Variants in SLC24A3 observed in about 807,000 individuals in gnomAD.
SLC24A3 encodes the protein sodium/potassium/calcium exchanger 3.
Under a neutral mutation model 75.8 loss-of-function variants are expected in SLC24A3, and 28 were observed. The ratio of observed to expected loss-of-function variants is 0.37; its 90% CI spans 0.27 to 0.51. The LOEUF is 0.51. Among genes scored for constraint, SLC24A3 ranks in the 20% least tolerant of loss-of-function variants. The pLI is 0.94. For missense variants in SLC24A3, 663 were observed against 847.8 expected, an observed-to-expected ratio of 0.78 and a Z score of 2.71; for synonymous variants, 372 against 334.1, an observed-to-expected ratio of 1.11 and a Z score of -1.24.
rs2033095660 is a variant in SLC24A3 at position 19,720,694 on chromosome 20, G to A, written c.1786-297G>A. Among the ~76,000 whole-genome samples the A allele has an allele frequency of 2.6e-5, 4 of 152,118 alleles. No individual in the cohort carries two copies. The South Asian group carries it at 8.3e-4, about 32-fold the overall frequency. On this transcript the variant is annotated intron_variant, in intron 16 of 16. Transcript: ENST00000328041. ...ACAGATGAAGGGCCCACAGGGGTGT[G>A]GAGTTGGAGCTTCGTGAAAGAGGGT...
At chr20:19,576,955 C>G (rs1328992904) in intron 3 of SLC24A3, among the ~76,000 whole-genome samples, 4 of 152,120 alleles carry the variant, frequency 2.6e-5, no homozygotes, top group Non-Finnish European at 4.4e-5. Context: ...TCAGCCAAGT[C>G]ATACAGCAAA....
chr20:19,605,556 C>T (rs965980041), intron 6 of SLC24A3, among the ~76,000 whole-genome samples: 2 of 152,182 alleles, frequency 1.3e-5, no homozygotes, highest in Non-Finnish European at 2.9e-5. Context: ...ACCCCACAAG[C>T]CTGCCATATC....
intron 15 of SLC24A3, among the ~76,000 whole-genome samples, chr20:19,701,133 C>T (rs2032867045): frequency 6.6e-6 from 1 of 152,148 alleles, no homozygotes; most frequent in Non-Finnish European, 1.5e-5. Flanking sequence ...TTTCACATGT[C>T]TGTCTTCTTC....
At chr20:19,673,720 G>A (rs2032494228) in intron 9 of SLC24A3, 66 bp downstream of exon 9, 6 of 1,406,508 alleles carry the variant, frequency 4.3e-6, no homozygotes, top group South Asian at 2.3e-5. Context: ...TGATGATGTG[G>A]GAAGAGGATT....
intron 1 of SLC24A3, among the ~76,000 whole-genome samples, chr20:19,233,483 T>C (rs1420703702): frequency 1.3e-5 from 2 of 152,240 alleles, no homozygotes; most frequent in African/African-American, 4.8e-5. Context: ...TCCAAACTTT[T>C]CTAAGTCATT....
Position 19,585,490 on chromosome 20 carries a change from A to G in SLC24A3, c.558A>G (p.Ser186=). ...GDVGVGTIVG[S]AVFNILCIIG... The stretch of plus-strand genomic sequence containing the variant: ...TGGGAGTTGGCACCATCGTGGGCTC[A>G]GCGGTATTCAACATCCTGTGCATCA... The change falls in exon 6 of 17, where the codon TCA becomes TCG. Residue 186 remains serine, a synonymous_variant. Transcript: ENST00000328041. 6.2e-7 allele frequency: 1 copy of G among 1,614,188 alleles called. No individual in the cohort carries two copies. Among genetic ancestry groups the G allele is most frequent in the Middle Eastern group, 1.6e-4 (1 of 6,062 alleles).
intron 1 of SLC24A3, among the ~76,000 whole-genome samples, chr20:19,266,999 G>T (rs1293147335): frequency 6.6e-6 from 1 of 151,954 alleles, no homozygotes; most frequent in Non-Finnish European, 1.5e-5. Context: ...ACCTGGATCT[G>T]CCCCAGATTT....
intron 2 of SLC24A3, among the ~76,000 whole-genome samples, chr20:19,413,723 A>C (rs1454985740): frequency 6.6e-6 from 1 of 152,224 alleles, no homozygotes; most frequent in Non-Finnish European, 1.5e-5. Flanking sequence ...ATTCTACCAT[A>C]GTTCCCCAGG....
At chr20:19,236,722 C>G (rs1376897204) in intron 1 of SLC24A3, among the ~76,000 whole-genome samples, 1 of 152,196 alleles carries the variant, frequency 6.6e-6, no homozygotes, top group Non-Finnish European at 1.5e-5. Context: ...CGCCACTTCA[C>G]TCCAGCCTGG....
intron 9 of SLC24A3, among the ~76,000 whole-genome samples, chr20:19,678,991 CG>C (rs1331178442): frequency 1.3e-5 from 2 of 151,284 alleles, no homozygotes; most frequent in Non-Finnish European, 2.9e-5. Context: ...GGATGGCGGC[CG>C]GGCAGAGACG....
intron 6 of SLC24A3, among the ~76,000 whole-genome samples, chr20:19,650,637 G>GC (rs68077348): frequency 2.0e-5 from 3 of 151,862 alleles, no homozygotes; most frequent in Admixed American, 6.6e-5. Flanking sequence ...GTCTCTTTTA[G>GC]CCCCCCCTTC....
At chr20:19,610,697 A>C (rs542234494) in intron 6 of SLC24A3, among the ~76,000 whole-genome samples, 99 of 152,362 alleles carry the variant, frequency 6.5e-4, no homozygotes, top group Non-Finnish European at 1.3e-3. Context: ...CTGGACACCA[A>C]GGTTTGACCC....
chr20:19,492,111 G>A lies in SLC24A3; in HGVS notation c.272-23377G>A, dbSNP rs574061703. 7.9e-5 allele frequency among the ~76,000 whole-genome samples: 12 copies of A among 152,322 alleles called. No homozygotes were observed. In the East Asian group the frequency reaches 1.7e-3, roughly 22 times the overall value. On this transcript the variant is annotated intron_variant, in intron 2 of 16. Transcript: ENST00000328041. ...AGGTTGTTCACTGTGCACTAGATCC[G>A]AAAGTTATCTACCTTTTGATAGGAA...
intron 2 of SLC24A3, among the ~76,000 whole-genome samples, chr20:19,334,812 G>A (rs1985090441): frequency 2.0e-5 from 3 of 152,130 alleles, no homozygotes; most frequent in African/African-American, 4.8e-5. Flanking sequence ...CCTGCCATTC[G>A]CTGAGCCCTG....
intron 2 of SLC24A3, among the ~76,000 whole-genome samples, chr20:19,457,550 C>T (rs867145637): frequency 2.0e-5 from 3 of 152,284 alleles, no homozygotes; most frequent in African/African-American, 7.2e-5. Context: ...GCTTTTTAGC[C>T]TCTGAAGCAT....
At chr20:19,534,247 A>G (rs2030355503) in intron 3 of SLC24A3, among the ~76,000 whole-genome samples, 1 of 152,198 alleles carries the variant, frequency 6.6e-6, no homozygotes, top group South Asian at 2.1e-4. Flanking sequence ...AGCCCTTTCC[A>G]GGGAGGGTTT....
intron 1 of SLC24A3, among the ~76,000 whole-genome samples, chr20:19,246,291 T>C (rs1264022513): frequency 6.6e-6 from 1 of 151,946 alleles, no homozygotes; most frequent in Non-Finnish European, 1.5e-5. Context: ...CTAAACAAAT[T>C]AGAAGGAAGG....
intron 2 of SLC24A3, among the ~76,000 whole-genome samples, chr20:19,305,438 C>CA: frequency 6.6e-6 from 1 of 152,050 alleles, no homozygotes; most frequent in Middle Eastern, 3.4e-3. Flanking sequence ...AGAGTGAATG[C>CA]TACGCCCTGA....
intron 6 of SLC24A3, among the ~76,000 whole-genome samples, chr20:19,605,390 C>T (rs2031584140): frequency 6.6e-6 from 1 of 152,106 alleles, no homozygotes; most frequent in South Asian, 2.1e-4. Context: ...TTCTACTAAG[C>T]TTTCTCTACG....
Sources: allele counts gnomAD v4.1 joint callset (sites outside exome capture counted in the v4.1 genomes callset), GRCh38; gene constraint gnomAD v4.1.1; transcripts MANE v1.5; gene names NCBI Gene and HGNC (gene_info 2026-07-23, HGNC 2026-07-21).